Variants in IL10RB observed in about 807,000 individuals in gnomAD.
IL10RB encodes interleukin 10 receptor subunit beta, also known as interleukin-10 receptor subunit beta.
A neutral mutation model predicts 38.7 loss-of-function variants in IL10RB; 30 were observed. The ratio of observed to expected loss-of-function variants is 0.78; its 90% CI spans 0.58 to 1.05. The LOEUF (loss-of-function observed/expected upper bound fraction) is 1.05. IL10RB is among the 50% of genes least tolerant of loss of function. The probability of loss-of-function intolerance (pLI) is 0.00; values close to 1 mark genes in which losing one functional copy is unlikely to be tolerated. For missense variants in IL10RB, 328 were observed against 397.1 expected (o/e 0.83, Z 1.48); for synonymous variants, 142 against 145.9 (o/e 0.97, Z 0.19).
Position 33,297,019 on chromosome 21 carries a change from G to A in IL10RB, c.*662G>A, listed in dbSNP as rs1450167147. 1.2e-5 allele frequency: 2 copies of A among 173,470 alleles called. No homozygotes were observed. Among genetic ancestry groups the A allele is most frequent in the African/African-American group, 4.8e-5 (2 of 41,442 alleles). The allele number at this position is 173,470 out of a possible 1,614,324, so 10.7% of individuals were successfully genotyped here. A position where few individuals can be genotyped will look rare whatever the true frequency, so the allele number is the denominator to read the frequency against. On this transcript the variant is annotated 3_prime_UTR_variant, in exon 7 of 7. Coordinates refer to ENST00000290200, the MANE Select transcript of IL10RB (RefSeq NM_000628.5). Reference sequence around the variant, plus strand: ...TAAAATGAGGAATAAGAATGGAGATGTTACATCTGGTAGATGTAACATTCT... The same window carrying A: ...TAAAATGAGGAATAAGAATGGAGATATTACATCTGGTAGATGTAACATTCT...
chr21:33,267,388 G>A (rs1176498259), intron 1 of IL10RB, among the ~76,000 whole-genome samples: 2 of 151,740 alleles, frequency 1.3e-5, no homozygotes, highest in Non-Finnish European at 2.9e-5. Context: ...ATCTCTCTTG[G>A]TACCAGTTGG....
At position 33,268,379 on chromosome 21, in the gene IL10RB, G is replaced by A. The variant is rs1259725875; in HGVS notation, c.50-15G>A. On this transcript the variant is annotated splice_polypyrimidine_tract_variant and intron_variant, in intron 1 of 6. Coordinates refer to ENST00000290200, the MANE Select transcript of IL10RB (RefSeq NM_000628.5). ...GAGGAGAAAAGTTGTAAATGTTTTT[G>A]TCTTATTTTCATAGCATTGGGAATG... is the stretch of plus-strand genomic sequence containing the variant. The A allele has an allele frequency of 3.1e-6, 5 of 1,614,050 alleles. No homozygotes were observed. Among genetic ancestry groups the A allele is most frequent in the Non-Finnish European group, 4.2e-6 (5 of 1,179,998 alleles).
chr21:33,296,690 T>C lies in IL10RB; in HGVS notation c.*333T>C. 1 of 421,242 alleles carries C rather than the reference T, an allele frequency of 2.4e-6. No homozygotes were observed. The highest frequency in any genetic ancestry group is 4.7e-6 in the Non-Finnish European group (1 of 214,546). 26.1% of individuals were successfully genotyped at this position (421,242 alleles called of 1,614,324 possible). ...AGGGCCGAGCACAGTGGCTCACGCC[T>C]GTAATACCAGCACCTTAGAGGTCGA... On this transcript the variant is annotated 3_prime_UTR_variant, in exon 7 of 7. Transcript: ENST00000290200.
chr21:33,287,209 C>T (rs1171313767), intron 5 of IL10RB, among the ~76,000 whole-genome samples: 1 of 152,214 alleles, frequency 6.6e-6, no homozygotes, highest in East Asian at 1.9e-4. Context: ...GTCAAGGCCT[C>T]GCATCAGGGG....
intron 3 of IL10RB, 82 bp from the exon 4 acceptor site, chr21:33,279,670 G>A (rs1332521163): frequency 5.9e-6 from 7 of 1,192,592 alleles, no homozygotes; most frequent in Non-Finnish European, 8.8e-6. Flanking sequence ...TGGACTAATT[G>A]TTCTGCATGG....
At chr21:33,273,946 C>T (rs1989125728) in intron 2 of IL10RB, among the ~76,000 whole-genome samples, 1 of 152,158 alleles carries the variant, frequency 6.6e-6, no homozygotes, top group Non-Finnish European at 1.5e-5. Context: ...CAGTTACTTC[C>T]TCCACTGAAG....
chr21:33,301,742 G>A (rs984279513), downstream of IL10RB, among the ~76,000 whole-genome samples: 1 of 152,322 alleles, frequency 6.6e-6, no homozygotes, highest in East Asian at 1.9e-4. Flanking sequence ...CAGCAACCCA[G>A]TTAAGCAGAT....
At chr21:33,282,682 C>G (rs187084320) in intron 4 of IL10RB, among the ~76,000 whole-genome samples, 300 of 152,200 alleles carry the variant, frequency 2.0e-3, no homozygotes, top group Admixed American at 3.6e-3. Context: ...CTCCCAAGTT[C>G]AAGCGATTCT....
Position 33,296,312 on chromosome 21 carries a change from C to T in IL10RB, c.933C>T (p.Asp311=). The T allele has an allele frequency of 6.2e-7, 1 of 1,614,106 alleles. No homozygotes were observed. The highest frequency in any genetic ancestry group is 8.5e-7 in the Non-Finnish European group (1 of 1,180,010). ...AGAGCGGCAAGCAGAATCCTGGTGA[C>T]AGCTGCAGCCTCGGGACCCCGCCTG... ...DSESGKQNPG[D]SCSLGTPPGQ... is the part of the protein sequence containing the mutation. Residue 311 remains aspartate, a synonymous_variant, in exon 7 of 7, where the codon GAC becomes GAT. Transcript: ENST00000290200.
At chr21:33,278,547 G>A (rs1989221557) in intron 3 of IL10RB, among the ~76,000 whole-genome samples, 1 of 152,158 alleles carries the variant, frequency 6.6e-6, no homozygotes, top group East Asian at 1.9e-4. Context: ...CCCAAATCCT[G>A]TTAGCTCCCA....
intron 1 of IL10RB, among the ~76,000 whole-genome samples, chr21:33,307,611 T>C (rs532396780): frequency 3.3e-5 from 5 of 152,312 alleles, no homozygotes; most frequent in South Asian, 2.1e-4. Context: ...CGGAACAGCC[T>C]GGGATGTGCC....
In IL10RB at chr21:33,266,527, CG is replaced by C; in HGVS notation, c.49+17del. On this transcript the variant is annotated intron_variant, in intron 1 of 6. Transcript: ENST00000290200. The stretch of plus-strand genomic sequence containing the variant: ...CTGCTGGTGTCAGGTGAGGGGTCCG[CG>C]GGGAGGGGGCGCGCTTGGGAACCGG... 6.5e-7 allele frequency: 1 copy of C among 1,541,268 alleles called. No homozygotes were observed. Among genetic ancestry groups the C allele is most frequent in the Non-Finnish European group, 8.7e-7 (1 of 1,146,898 alleles).
intron 4 of IL10RB, among the ~76,000 whole-genome samples, chr21:33,281,669 G>C (rs771176133): frequency 6.6e-6 from 1 of 152,050 alleles, no homozygotes; most frequent in Non-Finnish European, 1.5e-5. Context: ...TGCAACCTCC[G>C]CCTCCTGGGT....
intron 6 of IL10RB, among the ~76,000 whole-genome samples, chr21:33,289,411 G>A (rs1413111641): frequency 2.0e-5 from 3 of 146,358 alleles, no homozygotes; most frequent in Non-Finnish European, 3.0e-5. Flanking sequence ...GGACCACAAA[G>A]GAATGCTTGT....
rs763486787 is a variant in IL10RB, at chr21:33,288,270, G to A, written c.804+9G>A. 8.1e-6 allele frequency: 13 copies of A among 1,612,626 alleles called. No individual in the cohort carries two copies. The highest frequency in any genetic ancestry group is 1.1e-5 in the Non-Finnish European group (13 of 1,178,696). On this transcript the variant is annotated intron_variant, in intron 6 of 6. Transcript: ENST00000290200. ...CACAGCACCTGAAAGAGGTAGGTAG[G>A]ATGGAGTGAGATGTGGATTTGAAAA... is the stretch of plus-strand genomic sequence containing the variant.
At chr21:33,280,371 G>A (rs922843700) in intron 4 of IL10RB, among the ~76,000 whole-genome samples, 4 of 152,122 alleles carry the variant, frequency 2.6e-5, no homozygotes, top group African/African-American at 7.2e-5. Flanking sequence ...AGATCTGATC[G>A]GAATATCACC....
chr21:33,309,179 G>A (rs1470783225), exon 2 of IL10RB: 1 of 152,170 alleles, frequency 6.6e-6, no homozygotes, highest in Non-Finnish European at 1.5e-5. Context: ...GTTGGCTGAT[G>A]TACATAGACA....
chr21:33,302,455 C>G (rs2082988283), intron 1 of IL10RB, among the ~76,000 whole-genome samples: 1 of 152,262 alleles, frequency 6.6e-6, no homozygotes, highest in Non-Finnish European at 1.5e-5. Flanking sequence ...TCCCTCTGCC[C>G]AATCCTACTT....
At chr21:33,276,051 A>C (rs183268587) in intron 2 of IL10RB, among the ~76,000 whole-genome samples, 1 of 152,378 alleles carries the variant, frequency 6.6e-6, no homozygotes, top group Non-Finnish European at 1.5e-5. Flanking sequence ...AATGGCACCA[A>C]TAGACTTGCT....
Sources: gnomAD v4.1 joint callset for allele counts (sites outside exome capture counted in the v4.1 genomes callset) on GRCh38, gnomAD v4.1.1 for gene constraint, MANE v1.5 for transcripts, NCBI Gene and HGNC (gene_info 2026-07-23, HGNC 2026-07-21) for gene names.